The following RBFOX1 variants were observed in gnomAD, a reference collection of about 807,000 sequenced individuals.
RBFOX1 encodes RNA binding fox-1 homolog 1.
Under a neutral mutation model 57.7 loss-of-function variants are expected in RBFOX1, and 8 were observed. That is an observed-to-expected ratio of 0.14 (90% CI 0.08 to 0.25). The LOEUF is 0.25. Ranked by LOEUF, RBFOX1 falls within the 10% of genes least tolerant of loss-of-function variation. RBFOX1 has a pLI of 1.00. For synonymous variants in RBFOX1, 326 were observed against 222.4 expected, an observed-to-expected ratio of 1.47 and a Z score of -4.15; for missense variants, 611 against 548.5, an observed-to-expected ratio of 1.11 and a Z score of -1.14.
In RBFOX1 at chr16:5,940,120, C is replaced by G. The variant is rs752582394; in HGVS notation, c.351+72785C>G. 3.9e-4 allele frequency among the ~76,000 whole-genome samples: 59 copies of G among 152,160 alleles called. 1 individual carries two copies. Among genetic ancestry groups the G allele is most frequent in the Non-Finnish European group, 2.9e-4 (20 of 68,030 alleles). The stretch of plus-strand genomic sequence containing the variant: ...CTGAAGGCTCACCCCGTATTCCACA[C>G]TGATAATGGTCCCCTGAGACCATGG... On this transcript the variant is annotated intron_variant, in intron 4 of 19. Transcript: ENST00000641259.
chr16:6,875,781 G>C (rs1167020568), intron 3 of RBFOX1, among the ~76,000 whole-genome samples: 1 of 152,130 alleles, frequency 6.6e-6, no homozygotes, highest in Non-Finnish European at 1.5e-5. Context: ...ATGACAGCAG[G>C]ATTATTTGAG....
At chr16:6,081,812 T>C (rs1344715714) in intron 1 of RBFOX1, among the ~76,000 whole-genome samples, 4 of 152,196 alleles carry the variant, frequency 2.6e-5, no homozygotes, top group African/African-American at 9.7e-5. Flanking sequence ...TGTTGGTAGA[T>C]TCCAGCTACC....
chr16:6,645,636 A>C (rs1267413269), intron 2 of RBFOX1, among the ~76,000 whole-genome samples: 1 of 152,128 alleles, frequency 6.6e-6, no homozygotes, highest in African/African-American at 2.4e-5. Flanking sequence ...TAAAATCTCA[A>C]AGAACCTAGA....
chr16:7,105,877 G>C (rs2063497816), intron 4 of RBFOX1, among the ~76,000 whole-genome samples: 1 of 152,066 alleles, frequency 6.6e-6, no homozygotes, highest in Non-Finnish European at 1.5e-5. Flanking sequence ...TCTGAGAATG[G>C]AGGAGGTATT....
chr16:5,994,790 G>A (rs1379543782), intron 4 of RBFOX1, among the ~76,000 whole-genome samples: 4 of 152,184 alleles, frequency 2.6e-5, no homozygotes, highest in Admixed American at 6.5e-5. Context: ...TTCCTCCTGG[G>A]CAAGTCTCTT....
At chr16:7,362,063 T>C (rs899551371) in intron 4 of RBFOX1, among the ~76,000 whole-genome samples, 1 of 151,200 alleles carries the variant, frequency 6.6e-6, no homozygotes, top group Non-Finnish European at 1.5e-5. Flanking sequence ...GTGTATATGT[T>C]AGTACGTGTT....
At chr16:6,910,421 T>C (rs1185786931) in intron 3 of RBFOX1, among the ~76,000 whole-genome samples, 2 of 152,172 alleles carry the variant, frequency 1.3e-5, no homozygotes, top group Non-Finnish European at 2.9e-5. Flanking sequence ...AGGAATTCTG[T>C]CCCCAGGTTC....
intron 3 of RBFOX1, among the ~76,000 whole-genome samples, chr16:6,808,364 A>T (rs1567338998): frequency 6.6e-6 from 1 of 151,566 alleles, no homozygotes; most frequent in Non-Finnish European, 1.5e-5. Flanking sequence ...CACCCTTGTC[A>T]CTCCCTTCAA....
At chr16:5,964,436 G>A (rs575384886) in intron 4 of RBFOX1, among the ~76,000 whole-genome samples, 1 of 152,226 alleles carries the variant, frequency 6.6e-6, no homozygotes, top group Non-Finnish European at 1.5e-5. Flanking sequence ...GCACTTCCAT[G>A]TTTATTGCAC....
chr16:6,753,835 G>A (rs2075355605), intron 3 of RBFOX1, among the ~76,000 whole-genome samples: 1 of 152,106 alleles, frequency 6.6e-6, no homozygotes, highest in African/African-American at 2.4e-5. Context: ...TCCTGGGCTT[G>A]AGGGATTTTT....
intron 3 of RBFOX1, among the ~76,000 whole-genome samples, chr16:6,859,362 G>C (rs1200134203): frequency 6.6e-6 from 1 of 151,322 alleles, no homozygotes; most frequent in Non-Finnish European, 1.5e-5. Flanking sequence ...AAAATTCTCT[G>C]TTCTCCTCAA....
intron 1 of RBFOX1, among the ~76,000 whole-genome samples, chr16:6,249,847 C>CATGTG (rs2097594113): frequency 6.7e-6 from 1 of 148,918 alleles, no homozygotes; most frequent in Non-Finnish European, 1.5e-5. Context: ...CATATGTATA[C>CATGTG]ATGTGCCATG....
chr16:7,097,927 C>T (rs1417480225), intron 4 of RBFOX1, among the ~76,000 whole-genome samples: 2 of 152,142 alleles, frequency 1.3e-5, no homozygotes, highest in Admixed American at 6.5e-5. Flanking sequence ...AGTAAAAGCA[C>T]TTTTGGTTGA....
In RBFOX1 at chr16:6,152,056, T is replaced by A. The variant is rs556824647; in HGVS notation, c.-127+132064T>A. On this transcript the variant is annotated intron_variant, in intron 1 of 15. Coordinates refer to ENST00000550418, the MANE Select transcript of RBFOX1 (RefSeq NM_018723.4). The stretch of plus-strand genomic sequence containing the variant: ...CCCACACTTGTTTAAATTTGTAATA[T>A]CCTTTATGGTTTTCCTTTATTGGCC... Among the ~76,000 whole-genome samples, 189 of 152,326 alleles carry A rather than the reference T, an allele frequency of 1.2e-3. 2 individuals are homozygous for A. Among genetic ancestry groups the A allele is most frequent in the South Asian group, 7.0e-3 (34 of 4,826 alleles).
chr16:6,273,603 C>T (rs999324133), intron 1 of RBFOX1, among the ~76,000 whole-genome samples: 4 of 151,962 alleles, frequency 2.6e-5, no homozygotes, highest in Non-Finnish European at 5.9e-5. Flanking sequence ...GCCTCGGCCC[C>T]CCAAAGTGCT....
chr16:7,305,771 T>TA (rs1223254398), intron 4 of RBFOX1, among the ~76,000 whole-genome samples: 3 of 152,356 alleles, frequency 2.0e-5, no homozygotes, highest in Admixed American at 6.5e-5. Context: ...AGAACAGTCT[T>TA]AAAAAAATCT....
At chr16:7,357,553 C>G (rs893260526) in intron 4 of RBFOX1, among the ~76,000 whole-genome samples, 1 of 152,128 alleles carries the variant, frequency 6.6e-6, no homozygotes, top group East Asian at 1.9e-4. Context: ...TTCATACTTA[C>G]CCATCTTGTT....
chr16:6,946,822 G>T (rs1299214411), intron 3 of RBFOX1, among the ~76,000 whole-genome samples: 4 of 152,116 alleles, frequency 2.6e-5, no homozygotes, highest in Non-Finnish European at 1.5e-5. Context: ...GCCCAAGGCT[G>T]GTCTCCAGTT....
At chr16:5,841,402 C>T (rs958675258) in intron 3 of RBFOX1, among the ~76,000 whole-genome samples, 1 of 152,178 alleles carries the variant, frequency 6.6e-6, no homozygotes, top group Non-Finnish European at 1.5e-5. Context: ...AACCTTCTTC[C>T]TCTCTCCATA....
Sources: gnomAD v4.1 joint callset for allele counts (sites outside exome capture counted in the v4.1 genomes callset) on GRCh38, gnomAD v4.1.1 for gene constraint, MANE v1.5 for transcripts, NCBI Gene and HGNC (gene_info 2026-07-23, HGNC 2026-07-21) for gene names.